The following PDGFD variants were observed in gnomAD, a reference collection of about 807,000 sequenced individuals.
The protein encoded by PDGFD is platelet derived growth factor D, also known as platelet-derived growth factor D.
Under a neutral mutation model 44.7 loss-of-function variants are expected in PDGFD, and 30 were observed. The ratio of observed to expected loss-of-function variants is 0.67; its 90% CI spans 0.50 to 0.91. The LOEUF (loss-of-function observed/expected upper bound fraction) is 0.91. Among genes scored for constraint, PDGFD ranks in the 40% least tolerant of loss-of-function variants. The pLI, the probability that PDGFD is intolerant of heterozygous loss-of-function variation, is 0.00. For missense variants in PDGFD, 445 were observed against 457.8 expected (o/e 0.97, Z 0.25); for synonymous variants, 173 against 168.4 (o/e 1.03, Z -0.21).
At chr11:103,910,498 G>A (rs2134297275) in intron 6 of PDGFD, among the ~76,000 whole-genome samples, 1 of 152,300 alleles carries the variant, frequency 6.6e-6, no homozygotes, top group East Asian at 1.9e-4. Flanking sequence ...GCAAGGGGGT[G>A]GGGGATCTCC....
intron 6 of PDGFD, among the ~76,000 whole-genome samples, chr11:103,924,599 T>C (rs1279398446): frequency 6.6e-6 from 1 of 152,220 alleles, no homozygotes; most frequent in African/African-American, 2.4e-5. Flanking sequence ...AACAATTTCC[T>C]ACATTTTCCA....
At position 104,023,805 on chromosome 11, in the gene PDGFD, T is replaced by C. The variant is rs370484037; in HGVS notation, c.125-23550A>G. Among the ~76,000 whole-genome samples, 28 of 152,294 alleles carry C rather than the reference T, an allele frequency of 1.8e-4. No individual in the cohort carries two copies. In the South Asian group the frequency reaches 5.8e-3, roughly 32 times the overall value. On this transcript the variant is annotated intron_variant, in intron 1 of 6. Transcript: ENST00000393158. ...AGAAGTCTATCACAGCTTATGCATTTACTGAAGAACTTCTTCTAGGACCAA... is the reference window on the plus strand; with the variant it reads ...AGAAGTCTATCACAGCTTATGCATTCACTGAAGAACTTCTTCTAGGACCAA...
intron 1 of PDGFD, among the ~76,000 whole-genome samples, chr11:104,141,177 T>C (rs1360995082): frequency 2.0e-5 from 3 of 152,166 alleles, no homozygotes; most frequent in South Asian, 2.1e-4. Flanking sequence ...AAAACCAACG[T>C]AGTTAAAAAA....
chr11:104,119,144 A>G (rs1054850556), intron 1 of PDGFD, among the ~76,000 whole-genome samples: 624 of 11,470 alleles, frequency 0.054, 101 homozygotes, highest in Non-Finnish European at 0.079. Context: ...ATAATATATT[A>G]ATATAATATA....
At chr11:104,015,353 A>T (rs1202694369) in intron 1 of PDGFD, among the ~76,000 whole-genome samples, 1 of 152,150 alleles carries the variant, frequency 6.6e-6, no homozygotes, top group Non-Finnish European at 1.5e-5. Flanking sequence ...AGAAATGCAG[A>T]TTTTGTTTAT....
At chr11:104,102,177 A>G (rs892135376) in intron 1 of PDGFD, among the ~76,000 whole-genome samples, 17 of 152,246 alleles carry the variant, frequency 1.1e-4, no homozygotes, top group Non-Finnish European at 2.1e-4. Context: ...CAATCTACTC[A>G]TCTGACAAAG....
chr11:104,014,750 G>GA (rs1296108179), intron 1 of PDGFD, among the ~76,000 whole-genome samples: 1 of 152,088 alleles, frequency 6.6e-6, no homozygotes, highest in Non-Finnish European at 1.5e-5. Flanking sequence ...GAGCTTTATG[G>GA]AAAAAATGAC....
intron 6 of PDGFD, among the ~76,000 whole-genome samples, chr11:103,926,616 G>A (rs1858319436): frequency 6.6e-6 from 1 of 152,094 alleles, no homozygotes; most frequent in South Asian, 2.1e-4. Context: ...CTGCAAGTAG[G>A]TCAAGCTCTG....
At chr11:104,029,470 T>A (rs1432248707) in intron 1 of PDGFD, among the ~76,000 whole-genome samples, 1 of 152,222 alleles carries the variant, frequency 6.6e-6, no homozygotes, top group Non-Finnish European at 1.5e-5. Flanking sequence ...GAAAGCTACA[T>A]AAACAACAAT....
At chr11:103,992,928 C>T (rs772797220) in intron 3 of PDGFD, among the ~76,000 whole-genome samples, 1 of 152,026 alleles carries the variant, frequency 6.6e-6, no homozygotes, top group Admixed American at 6.6e-5. Context: ...GCAGGAAGAG[C>T]AGAGATGTTC....
chr11:104,059,493 A>G (rs563597316), intron 1 of PDGFD, among the ~76,000 whole-genome samples: 1 of 152,104 alleles, frequency 6.6e-6, no homozygotes, highest in Non-Finnish European at 1.5e-5. Context: ...AACATTTTCC[A>G]TAAATATTTA....
chr11:104,127,151 T>C (rs2119829787), intron 1 of PDGFD, among the ~76,000 whole-genome samples: 2 of 151,920 alleles, frequency 1.3e-5, no homozygotes, highest in Middle Eastern at 6.8e-3. Context: ...GAACTTAAAG[T>C]GTGAGGTAGG....
intron 3 of PDGFD, among the ~76,000 whole-genome samples, chr11:103,962,361 C>T (rs938760999): frequency 6.6e-6 from 1 of 152,080 alleles, no homozygotes; most frequent in African/African-American, 2.4e-5. Context: ...CCCTTAAGTA[C>T]TTTATGATGA....
intron 3 of PDGFD, among the ~76,000 whole-genome samples, chr11:103,982,659 A>G (rs1209812879): frequency 6.6e-6 from 1 of 151,792 alleles, no homozygotes; most frequent in Non-Finnish European, 1.5e-5. Flanking sequence ...TCCTATATCT[A>G]GAAAACCCCA....
At chr11:104,080,182 G>T (rs1161249094) in intron 1 of PDGFD, among the ~76,000 whole-genome samples, 1 of 152,170 alleles carries the variant, frequency 6.6e-6, no homozygotes, top group Admixed American at 6.5e-5. Context: ...TGTTAGCACT[G>T]CCCTGATCTA....
chr11:103,934,384 A>T (rs966330341), intron 5 of PDGFD, among the ~76,000 whole-genome samples: 10 of 152,228 alleles, frequency 6.6e-5, no homozygotes, highest in Non-Finnish European at 2.9e-5. Flanking sequence ...GTGATTACTA[A>T]GGAATAGAAG....
chr11:104,117,544 C>T (rs576046568), intron 1 of PDGFD, among the ~76,000 whole-genome samples: 16 of 151,918 alleles, frequency 1.1e-4, no homozygotes, highest in African/African-American at 3.9e-4. Flanking sequence ...TTTCCAGACA[C>T]AAAATTAATG....
chr11:104,011,329 T>C (rs1859783485), intron 1 of PDGFD, among the ~76,000 whole-genome samples: 1 of 152,118 alleles, frequency 6.6e-6, no homozygotes, highest in Admixed American at 6.5e-5. Context: ...CTTATGACTA[T>C]ATTTAATATG....
chr11:103,957,058 T>C (rs2134333741), intron 3 of PDGFD, among the ~76,000 whole-genome samples: 1 of 152,292 alleles, frequency 6.6e-6, no homozygotes, highest in Middle Eastern at 3.4e-3. Flanking sequence ...AGCTCTTTAG[T>C]TTAATTAGAT....
Sources: allele counts gnomAD v4.1 joint callset (sites outside exome capture counted in the v4.1 genomes callset), GRCh38; gene constraint gnomAD v4.1.1; transcripts MANE v1.5; gene names NCBI Gene and HGNC (gene_info 2026-07-23, HGNC 2026-07-21).